Variants in PRR16 observed in about 807,000 individuals in gnomAD.
PRR16 encodes the protein protein Largen.
Under a neutral mutation model 18.2 loss-of-function variants are expected in PRR16, and 6 were observed. The observed-to-expected ratio is 0.33, with a 90% CI of 0.18 to 0.65. The LOEUF is 0.65. PRR16 is among the 30% of genes least tolerant of loss of function. The pLI is 0.74. For missense variants in PRR16, 412 were observed against 376.6 expected (o/e 1.09, Z -0.78); for synonymous variants, 151 against 147.8 (o/e 1.02, Z -0.16).
chr5:120,743,098 G>C, the PRR16 span, among the ~76,000 whole-genome samples: 789 of 152,222 alleles, frequency 5.2e-3, 5 homozygotes, highest in Non-Finnish European at 7.4e-3. Context: ...CTATTTATAG[G>C]TTCCCAGGAT....
chr5:120,649,044 A>G (rs1278488799), intron 1 of PRR16, among the ~76,000 whole-genome samples: 1 of 152,098 alleles, frequency 6.6e-6, no homozygotes, highest in Non-Finnish European at 1.5e-5. Context: ...TTAATTTTTA[A>G]TAATCGTTTA....
chr5:120,639,564 A>G (rs953234058), intron 1 of PRR16, among the ~76,000 whole-genome samples: 1 of 151,950 alleles, frequency 6.6e-6, no homozygotes, highest in Non-Finnish European at 1.5e-5. Flanking sequence ...TTCTGCATCT[A>G]TGGAGAAATG....
intron 1 of PRR16, among the ~76,000 whole-genome samples, chr5:120,526,610 G>A (rs898275193): frequency 6.6e-6 from 1 of 152,098 alleles, no homozygotes; most frequent in African/African-American, 2.4e-5. Flanking sequence ...TATCAACTCT[G>A]CTCTCTACCA....
chr5:120,743,681 T>A, the PRR16 span, among the ~76,000 whole-genome samples: 2 of 152,142 alleles, frequency 1.3e-5, no homozygotes, highest in Non-Finnish European at 1.5e-5. Context: ...ACTTTTACTT[T>A]TTGCTGTATT....
intron 1 of PRR16, among the ~76,000 whole-genome samples, chr5:120,675,705 CTT>C (rs143137326): frequency 0.013 from 1,978 of 152,218 alleles, 16 homozygotes; most frequent in Non-Finnish European, 0.021. Context: ...AAACTAGAAA[CTT>C]ATTTTTTATC....
At chr5:120,534,985 C>T (rs1250598885) in intron 1 of PRR16, among the ~76,000 whole-genome samples, 4 of 151,812 alleles carry the variant, frequency 2.6e-5, no homozygotes, top group African/African-American at 4.8e-5. Context: ...AAGTATGTAT[C>T]GTGAGGAGTA....
chr5:120,550,469 T>G (rs1202910613), intron 1 of PRR16, among the ~76,000 whole-genome samples: 1 of 152,032 alleles, frequency 6.6e-6, no homozygotes, highest in African/African-American at 2.4e-5. Flanking sequence ...GCAGCTACAC[T>G]CCTATTCCAC....
the PRR16 span, among the ~76,000 whole-genome samples, chr5:120,714,337 G>A: frequency 2.6e-5 from 4 of 152,168 alleles, no homozygotes; most frequent in Admixed American, 1.3e-4. Flanking sequence ...TTGACTTGGA[G>A]TGGGAGGTAT....
intron 1 of PRR16, among the ~76,000 whole-genome samples, chr5:120,581,438 A>G (rs559721338): frequency 6.6e-5 from 10 of 151,974 alleles, no homozygotes; most frequent in Non-Finnish European, 1.0e-4. Context: ...CTAGCAGTCT[A>G]TCTATTTTGT....
the PRR16 span, among the ~76,000 whole-genome samples, chr5:120,738,236 T>C: frequency 6.6e-6 from 1 of 152,230 alleles, no homozygotes; most frequent in East Asian, 1.9e-4. Flanking sequence ...GTAATACATC[T>C]ATGGGGGCTC....
At chr5:120,663,207 T>C (rs1551018) in intron 1 of PRR16, among the ~76,000 whole-genome samples, 8,086 of 121,946 alleles carry the variant, frequency 0.066, 577 homozygotes, top group African/African-American at 0.17. Flanking sequence ...AAAACCCCCC[T>C]TTTTTTTTCC....
chr5:120,757,485 C>T, the PRR16 span, among the ~76,000 whole-genome samples: 2 of 151,868 alleles, frequency 1.3e-5, no homozygotes, highest in Admixed American at 1.3e-4. Context: ...TCTGTGAGTT[C>T]TTTCAGCAGT....
intron 1 of PRR16, among the ~76,000 whole-genome samples, chr5:120,549,085 C>T (rs897510734): frequency 1.1e-4 from 17 of 151,858 alleles, no homozygotes; most frequent in Non-Finnish European, 2.9e-5. Context: ...CTCCAAGTTG[C>T]CTAAACTTGC....
At chr5:120,772,405 T>C in the PRR16 span, among the ~76,000 whole-genome samples, 1 of 152,124 alleles carries the variant, frequency 6.6e-6, no homozygotes, top group East Asian at 1.9e-4. Flanking sequence ...TATACAATAG[T>C]ACCTGACATA....
chr5:120,552,054 C>G (rs960205453), intron 1 of PRR16, among the ~76,000 whole-genome samples: 2 of 151,886 alleles, frequency 1.3e-5, no homozygotes, highest in Non-Finnish European at 2.9e-5. Context: ...ATTCACAATC[C>G]TCTATGACAT....
At chr5:120,524,087 A>G (rs1751275463) in intron 1 of PRR16, among the ~76,000 whole-genome samples, 1 of 152,170 alleles carries the variant, frequency 6.6e-6, no homozygotes, top group Admixed American at 6.5e-5. Flanking sequence ...TTTTCAACGT[A>G]CAGATGAGGA....
the PRR16 span, among the ~76,000 whole-genome samples, chr5:120,709,278 A>G: frequency 2.0e-5 from 3 of 152,022 alleles, no homozygotes; most frequent in Non-Finnish European, 4.4e-5. Context: ...AAGTACTAGG[A>G]TTACAGGTGT....
At chr5:120,498,980 G>T (rs1365019438) in intron 1 of PRR16, among the ~76,000 whole-genome samples, 15 of 151,676 alleles carry the variant, frequency 9.9e-5, no homozygotes, top group Non-Finnish European at 2.1e-4. Context: ...TTTTGAGGTT[G>T]ATTATGAGGT....
At position 120,515,642 on chromosome 5, in the gene PRR16, C is replaced by A. The variant is rs79143051; in HGVS notation, c.159+50997C>A. Among the ~76,000 whole-genome samples the A allele has an allele frequency of 6.9e-3, 1,055 of 152,142 alleles. 18 individuals carry two copies. Among genetic ancestry groups the A allele is most frequent in the African/African-American group, 0.024 (1,006 of 41,490 alleles). On this transcript the variant is annotated intron_variant, in intron 1 of 1. Coordinates refer to ENST00000407149, the MANE Select transcript of PRR16 (RefSeq NM_001300783.2). ...TTATTCTCTTACTCACTGAAAAAAACCCAGATTAATAGCATTTTTTACCAA... is the reference window on the plus strand; with the variant it reads ...TTATTCTCTTACTCACTGAAAAAAAACCAGATTAATAGCATTTTTTACCAA...
Sources: gnomAD v4.1 joint callset for allele counts (sites outside exome capture counted in the v4.1 genomes callset) on GRCh38, gnomAD v4.1.1 for gene constraint, MANE v1.5 for transcripts, NCBI Gene and HGNC (gene_info 2026-07-23, HGNC 2026-07-21) for gene names.